The following AQR variants were observed in gnomAD, a reference collection of about 807,000 sequenced individuals.
The protein encoded by AQR is aquarius intron-binding spliceosomal factor, also known as RNA helicase aquarius.
AQR carries 61 observed loss-of-function variants against 180.5 expected under a neutral mutation model. The observed-to-expected ratio is 0.34, with a 90% CI of 0.28 to 0.42. The LOEUF (loss-of-function observed/expected upper bound fraction) is 0.42. Ranked by LOEUF, AQR falls within the 10% of genes least tolerant of loss-of-function variation. The probability of loss-of-function intolerance (pLI) is 1.00; values close to 1 mark genes in which losing one functional copy is unlikely to be tolerated. For synonymous variants in AQR, 551 were observed against 588.8 expected, an observed-to-expected ratio of 0.94 and a Z score of 0.93; for missense variants, 1,281 against 1,798.3, an observed-to-expected ratio of 0.71 and a Z score of 5.20.
At chr15:34,906,788 CCT>C in intron 17 of AQR, 76 bp from the exon 18 acceptor site, 1 of 1,393,486 alleles carries the variant, frequency 7.2e-7, no homozygotes, top group South Asian at 1.4e-5. Flanking sequence ...TTCTTATTTG[CCT>C]CTCTACCTCT....
In AQR at chr15:34,964,285, T is replaced by A. The variant is rs544819413; in HGVS notation, c.81A>T (p.Ala27=). Residue 27 remains alanine, a synonymous_variant, in exon 2 of 35, where the codon GCA becomes GCT. Coordinates refer to ENST00000156471, the MANE Select transcript of AQR (RefSeq NM_014691.3). ...TGATGTGGGGAGCCCAGTATTTACATGCTAACTGCAAAGTAAACAGTATAA... is the reference window on the plus strand; with the variant it reads ...TGATGTGGGGAGCCCAGTATTTACAAGCTAACTGCAAAGTAAACAGTATAA... The part of the protein sequence containing the change: ...QINAEFVTQL[A]CKYWAPHIKK... The A allele has an allele frequency of 6.2e-7, 1 of 1,605,268 alleles. No homozygotes were observed. Among genetic ancestry groups the A allele is most frequent in the African/African-American group, 1.3e-5 (1 of 74,920 alleles).
At chr15:34,898,110 A>C (rs1893276096) in intron 20 of AQR, among the ~76,000 whole-genome samples, 1 of 152,226 alleles carries the variant, frequency 6.6e-6, no homozygotes, top group East Asian at 1.9e-4. Context: ...AAGAAGCAAC[A>C]GCAGAGGCCA....
intron 12 of AQR, among the ~76,000 whole-genome samples, chr15:34,929,440 T>C (rs1324524950): frequency 2.0e-5 from 3 of 152,212 alleles, no homozygotes; most frequent in Admixed American, 6.5e-5. Flanking sequence ...ATTTACTGAA[T>C]AGGAGATCCT....
At chr15:34,939,530 T>C (rs1893993853) in intron 8 of AQR, among the ~76,000 whole-genome samples, 1 of 152,224 alleles carries the variant, frequency 6.6e-6, no homozygotes, top group South Asian at 2.1e-4. Context: ...TTAAGTATAA[T>C]AGAGTATTAC....
intron 5 of AQR, among the ~76,000 whole-genome samples, chr15:34,946,486 G>C (rs1894119869): frequency 2.1e-5 from 3 of 143,002 alleles, no homozygotes; most frequent in African/African-American, 7.8e-5. Flanking sequence ...GAGGTGGGGG[G>C]GTCAGCCCCC....
intron 32 of AQR, among the ~76,000 whole-genome samples, chr15:34,865,157 C>G (rs1246869427): frequency 6.6e-6 from 1 of 152,116 alleles, no homozygotes; most frequent in Non-Finnish European, 1.5e-5. Flanking sequence ...CAGAAGATGG[C>G]TGGAGAGGAA....
At position 34,874,666 on chromosome 15, in the gene AQR, G is replaced by A. The variant is rs1226340767; in HGVS notation, c.3425+11C>T. ...TTAAATGGGAATGATTTTTTTTCCT[G>A]TCTCTTTTACCTTGCTCTGGCTCTC... is the stretch of plus-strand genomic sequence containing the variant. On this transcript the variant is annotated intron_variant, in intron 29 of 34. Transcript: ENST00000156471. 6.2e-7 allele frequency: 1 copy of A among 1,605,368 alleles called. No individual in the cohort carries two copies. The highest frequency in any genetic ancestry group is 1.7e-5 in the Admixed American group (1 of 57,458).
chr15:34,929,130 T>C (rs922135833), intron 12 of AQR, among the ~76,000 whole-genome samples: 1 of 152,192 alleles, frequency 6.6e-6, no homozygotes. Flanking sequence ...TTTTCTCCCA[T>C]TCTGTAGGTT....
At position 34,947,521 on chromosome 15, in the gene AQR, AT is replaced by A. The variant is rs1284890656; in HGVS notation, c.330+742del. Among the ~76,000 whole-genome samples the A allele has an allele frequency of 1.9e-3, 285 of 147,802 alleles. 6 individuals are homozygous for A. Among genetic ancestry groups the A allele is most frequent in the Admixed American group, 3.5e-3 (52 of 14,838 alleles). Reference sequence around the variant, plus strand: ...AGAATGATCAATAAAAAAAATAATAATAATAATAATAATAATAAAATAAATA... The same window carrying A: ...AGAATGATCAATAAAAAAAATAATAAAATAATAATAATAATAAAATAAATA... On this transcript the variant is annotated intron_variant, in intron 5 of 34. Coordinates refer to ENST00000156471, the MANE Select transcript of AQR (RefSeq NM_014691.3).
At chr15:34,880,916 A>G (rs1892963776) in intron 27 of AQR, among the ~76,000 whole-genome samples, 1 of 152,176 alleles carries the variant, frequency 6.6e-6, no homozygotes, top group Non-Finnish European at 1.5e-5. Flanking sequence ...AAGTGGACCT[A>G]CAAGGTTTTT....
intron 34 of AQR, 84 bp from the exon 35 acceptor site, chr15:34,857,190 T>C (rs1892598919): frequency 3.0e-6 from 4 of 1,331,148 alleles, no homozygotes; most frequent in Non-Finnish European, 4.0e-6. Flanking sequence ...ATTCTAGAGT[T>C]CTCCAAAACA....
At chr15:34,904,105 T>C (rs1893375409) in intron 19 of AQR, among the ~76,000 whole-genome samples, 1 of 152,090 alleles carries the variant, frequency 6.6e-6, no homozygotes, top group Admixed American at 6.5e-5. Context: ...CATCTATATT[T>C]TAAGTTTTTA....
At chr15:34,917,564 CT>C (rs1893613757) in intron 15 of AQR, among the ~76,000 whole-genome samples, 1 of 151,986 alleles carries the variant, frequency 6.6e-6, no homozygotes, top group Non-Finnish European at 1.5e-5. Context: ...TGATCATTAC[CT>C]GCTTTACATA....
In AQR at chr15:34,856,735, C is replaced by T. The variant is rs11552015; in HGVS notation, c.*57G>A. 0.014 allele frequency: 19,328 copies of T among 1,370,796 alleles called. 1,782 individuals carry two copies. In the African/African-American group the frequency reaches 0.22, roughly 16 times the overall value. The allele number at this position is 1,370,796 out of a possible 1,614,324, so 84.9% of individuals were successfully genotyped here. A position where few individuals can be genotyped will look rare whatever the true frequency, so the allele number is the denominator to read the frequency against. On this transcript the variant is annotated 3_prime_UTR_variant, in exon 35 of 35. Transcript: ENST00000156471. ...AGAAGCAAATATAAAATACAAAAAACAGCTTTACTCAGACTTTTTGACTGC... is the reference window on the plus strand; with the variant it reads ...AGAAGCAAATATAAAATACAAAAAATAGCTTTACTCAGACTTTTTGACTGC...
chr15:34,856,578 G>A lies in AQR; in HGVS notation c.*214C>T. 1 of 450,402 alleles carries A rather than the reference G, an allele frequency of 2.2e-6. No individual in the cohort carries two copies. The highest frequency in any genetic ancestry group is 3.9e-6 in the Non-Finnish European group (1 of 257,704). The allele number at this position is 450,402 out of a possible 1,614,324, so 27.9% of individuals were successfully genotyped here. A position where few individuals can be genotyped will look rare whatever the true frequency, so the allele number is the denominator to read the frequency against. On this transcript the variant is annotated 3_prime_UTR_variant, in exon 35 of 35. Transcript: ENST00000156471. Reference sequence around the variant, plus strand: ...CAGTGATCAAAACATGAAAGGAATGGTTATTTGCTCTTCTGATTGAACAAA... The same window carrying A: ...CAGTGATCAAAACATGAAAGGAATGATTATTTGCTCTTCTGATTGAACAAA...
Position 34,858,637 on chromosome 15 carries a change from A to G in AQR, c.4143+1405T>C, listed in dbSNP as rs1041573338. Among the ~76,000 whole-genome samples, 7 of 152,310 alleles carry G rather than the reference A, an allele frequency of 4.6e-5. No individual in the cohort carries two copies. In the South Asian group the frequency reaches 1.4e-3, roughly 32 times the overall value. ...CAAAGGAACTGGGATAGCTAAGACA[A>G]TTTCTAAAATGAAGAACAAAGCTAA... On this transcript the variant is annotated intron_variant, in intron 34 of 34. Coordinates refer to ENST00000156471, the MANE Select transcript of AQR (RefSeq NM_014691.3).
chr15:34,863,025 C>G lies in AQR; in HGVS notation c.3871G>C (p.Val1291Leu). Residue 1291 changes from valine to leucine, a missense_variant, in exon 33 of 35, where the codon GTA becomes CTA. Around this residue, in one of 9 missense-constraint regions of AQR, gnomAD observed 197 missense variants for 320.7 expected, o/e 0.61. Transcript: ENST00000156471. ...VGHLRDVRRLVVAMSRARLGL... is the reference protein window; with the variant it reads ...VGHLRDVRRLLVAMSRARLGL... ...AGTCTGGCTCTAGACATGGCCACTA[C>G]CAAGCGACGGACATCCCTTTGGGAA... 1 of 1,613,008 alleles carries G rather than the reference C, an allele frequency of 6.2e-7. No homozygotes were observed. Among genetic ancestry groups the G allele is most frequent in the Non-Finnish European group, 8.5e-7 (1 of 1,179,548 alleles).
At chr15:34,923,257 T>C (rs1023607124) in intron 13 of AQR, among the ~76,000 whole-genome samples, 1 of 152,116 alleles carries the variant, frequency 6.6e-6, no homozygotes, top group East Asian at 1.9e-4. Context: ...CAATCTACAG[T>C]TTCAGGCATC....
rs1032677102 is a variant in AQR at position 34,862,880 on chromosome 15, G to A, written c.4016C>T (p.Pro1339Leu). 1 of 1,613,410 alleles carries A rather than the reference G, an allele frequency of 6.2e-7. No homozygotes were observed. The highest frequency in any genetic ancestry group is 1.3e-5 in the African/African-American group (1 of 74,872). The change falls in exon 33 of 35, where the codon CCA becomes CTA. Residue 1339 changes from proline to leucine, a missense_variant. By Grantham distance (98) the Pro-to-Leu change is moderately conservative (BLOSUM62 -3). Transcript: ENST00000156471. ...AAGAAGTCCTACCTTTCTAGTAGTT[G>A]GGAAAGGTTCTGTTGGAATTATATG... ...HLHIIPTEPF[P>L]TTRKNGERPS...
Sources: allele counts gnomAD v4.1 joint callset (sites outside exome capture counted in the v4.1 genomes callset), GRCh38; gene constraint gnomAD v4.1.1; regional missense constraint gnomAD v4.1.1; transcripts MANE v1.5; gene names NCBI Gene and HGNC (gene_info 2026-07-23, HGNC 2026-07-21).